The following CARHSP1 variants were observed in gnomAD, a reference collection of about 807,000 sequenced individuals.
The protein encoded by CARHSP1 is calcium regulated heat stable protein 1.
In CARHSP1, 14 loss-of-function variants were observed where a neutral mutation model predicts 12.5. The ratio of observed to expected loss-of-function variants is 1.12; its 90% CI spans 0.74 to 1.75. The LOEUF is 1.75. Ranked by LOEUF, CARHSP1 falls within the 40% of genes most tolerant of loss-of-function variation. The pLI is 0.00. For missense variants in CARHSP1, 343 were observed against 201.6 expected (o/e 1.70, Z -4.25); for synonymous variants, 161 against 82.0 (o/e 1.96, Z -5.20).
At chr16:8,858,704 C>T in intron 2 of CARHSP1, 1 of 539,820 alleles carries the variant, frequency 1.9e-6, no homozygotes. Context: ...GTTTTCCCTC[C>T]TGGAAAGAGG....
chr16:8,858,846 G>A (rs1383302821), intron 2 of CARHSP1: 2 of 409,902 alleles, frequency 4.9e-6, no homozygotes, highest in South Asian at 9.5e-5. Flanking sequence ...TGCAGCCCTG[G>A]TGCTGTGCCC....
intron 2 of CARHSP1, 121 bp from the exon 3 acceptor site, chr16:8,858,593 A>G: frequency 8.0e-7 from 1 of 1,247,084 alleles, no homozygotes; most frequent in East Asian, 2.5e-5. Flanking sequence ...ATGTACAGTC[A>G]CACAGGCTGA....
intron 1 of CARHSP1, among the ~76,000 whole-genome samples, chr16:8,859,601 G>T (rs2061279042): frequency 6.6e-6 from 1 of 152,032 alleles, no homozygotes. Flanking sequence ...GGTCCCCTCT[G>T]TGTCCCCAGC....
chr16:8,860,118 C>T (rs1371249936), intron 1 of CARHSP1: 1 of 985,302 alleles, frequency 1.0e-6, no homozygotes, highest in East Asian at 1.1e-4. Context: ...CACGCAGTGT[C>T]CGCCTCCAGG....
At chr16:8,865,191 C>A (rs945457679) in intron 1 of CARHSP1, among the ~76,000 whole-genome samples, 17 of 152,288 alleles carry the variant, frequency 1.1e-4, no homozygotes, top group South Asian at 2.1e-4. Flanking sequence ...TCACTGCAGA[C>A]CCCCGCCCCC....
chr16:8,858,878 C>A, intron 2 of CARHSP1: 2 of 413,830 alleles, frequency 4.8e-6, no homozygotes, highest in East Asian at 7.8e-5. Context: ...GCAGAATTCA[C>A]AGTCTCACAG....
chr16:8,858,592 C>T (rs1596531929), intron 2 of CARHSP1, 120 bp from the exon 3 acceptor site: 1 of 1,261,404 alleles, frequency 7.9e-7, no homozygotes, highest in East Asian at 2.4e-5. Context: ...CATGTACAGT[C>T]ACACAGGCTG....
At chr16:8,856,954 CAGG>C (rs2061135375) in intron 3 of CARHSP1, among the ~76,000 whole-genome samples, 1 of 152,148 alleles carries the variant, frequency 6.6e-6, no homozygotes, top group Non-Finnish European at 1.5e-5. Context: ...AGTAAGCATG[CAGG>C]AGGAGAAAGA....
rs902247402 is a variant in CARHSP1, at chr16:8,854,258, T to A, written c.*906A>T. 6.6e-6 allele frequency: 1 copy of A among 152,216 alleles called. No homozygotes were observed. Among genetic ancestry groups the A allele is most frequent in the Admixed American group, 6.5e-5 (1 of 15,272 alleles). 9.4% of individuals were successfully genotyped at this position (152,216 alleles called of 1,614,324 possible). On this transcript the variant is annotated 3_prime_UTR_variant, in exon 4 of 4. Coordinates refer to ENST00000311052, the MANE Select transcript of CARHSP1 (RefSeq NM_014316.4). The stretch of plus-strand genomic sequence containing the variant: ...GTTTCTCCTTCAACTTTCTTGACTT[T>A]GCCAGGCTGTCAGGATGCAAGCTAC...
chr16:8,855,144 A>G lies in CARHSP1; in HGVS notation c.*20T>C. On this transcript the variant is annotated 3_prime_UTR_variant, in exon 4 of 4. Transcript: ENST00000311052. ...CAAAGTCTCCCACAAGCACAGGACA[A>G]GGGGTGCTTCCACCATCTCCTAGGA... is the stretch of plus-strand genomic sequence containing the variant. 1.3e-6 allele frequency: 2 copies of G among 1,560,304 alleles called. No individual in the cohort carries two copies. The highest frequency in any genetic ancestry group is 1.7e-6 in the Non-Finnish European group (2 of 1,148,166).
At chr16:8,859,525 T>G (rs2061275513) in intron 1 of CARHSP1, among the ~76,000 whole-genome samples, 190 bp from the exon 2 acceptor site, 2 of 151,774 alleles carry the variant, frequency 1.3e-5, no homozygotes, top group African/African-American at 4.8e-5. Context: ...GAAGCAACCG[T>G]GGGGCCCCCT....
At chr16:8,864,476 C>G (rs1229689934) in intron 1 of CARHSP1, among the ~76,000 whole-genome samples, 2 of 152,222 alleles carry the variant, frequency 1.3e-5, no homozygotes, top group East Asian at 1.9e-4. Context: ...TTCACACAGC[C>G]CAGCTCATTC....
intron 3 of CARHSP1, among the ~76,000 whole-genome samples, chr16:8,855,936 C>T (rs1596522816): frequency 6.6e-6 from 1 of 152,198 alleles, no homozygotes; most frequent in East Asian, 1.9e-4. Context: ...TCTCCTGCCT[C>T]AGCCAAGTAT....
At chr16:8,858,206 A>C in intron 3 of CARHSP1, 144 bp downstream of exon 3, 1 of 959,734 alleles carries the variant, frequency 1.0e-6, no homozygotes, top group Non-Finnish European at 1.5e-6. Flanking sequence ...GCACAGCTGG[A>C]GCACCAGCCA....
rs191383487 is a variant in CARHSP1, at chr16:8,856,330, G to C, written c.282-1004C>G. ...GGCCAGCCAGCTCCCCTAGTAACTG[G>C]TTTGTTTTGATTGGAGAATCGTATG... On this transcript the variant is annotated intron_variant, in intron 3 of 3. Coordinates refer to ENST00000311052, the MANE Select transcript of CARHSP1 (RefSeq NM_014316.4). Among the ~76,000 whole-genome samples the C allele has an allele frequency of 2.6e-5, 4 of 152,256 alleles. No individual in the cohort carries two copies. In the East Asian group the frequency reaches 7.7e-4, roughly 29 times the overall value.
intron 1 of CARHSP1, among the ~76,000 whole-genome samples, chr16:8,864,068 C>T (rs1596327219): frequency 1.3e-5 from 2 of 152,218 alleles, no homozygotes; most frequent in Admixed American, 1.3e-4. Flanking sequence ...CTGCAACAAA[C>T]TTCGACCAAA....
rs1399744982 is a variant in CARHSP1 at position 8,859,192 on chromosome 16, C to T, written c.137G>A (p.Arg46His). The T allele has an allele frequency of 2.5e-6, 4 of 1,601,568 alleles. No individual in the cohort carries two copies. Among genetic ancestry groups the T allele is most frequent in the East Asian group, 2.2e-5 (1 of 44,556 alleles). ...GNVVPSPLPT[R>H]RTRTFSATVR... ...TCACGCCGAGAAGGTCCTCGTCCGG[C>T]GAGTGGGCAGTGGGCTTGGGACCAC... is the stretch of plus-strand genomic sequence containing the variant. The change falls in exon 2 of 4, where the codon CGC (arginine) becomes CAC (histidine). Residue 46 changes from arginine to histidine, a missense_variant. Arg to His is a conservative substitution (Grantham distance 29). Transcript: ENST00000311052.
At chr16:8,858,812 C>A in intron 2 of CARHSP1, 1 of 412,348 alleles carries the variant, frequency 2.4e-6, no homozygotes, top group Non-Finnish European at 4.3e-6. Context: ...AGACCTGCAT[C>A]TGCCAGGCAT....
intron 1 of CARHSP1, among the ~76,000 whole-genome samples, chr16:8,865,402 G>A (rs1167797482): frequency 6.6e-6 from 1 of 152,182 alleles, no homozygotes; most frequent in Non-Finnish European, 1.5e-5. Flanking sequence ...GAGCCACCGT[G>A]CCCAGCCAGA....
Sources: gnomAD v4.1 joint callset for allele counts (sites outside exome capture counted in the v4.1 genomes callset) on GRCh38, gnomAD v4.1.1 for gene constraint, MANE v1.5 for transcripts, NCBI Gene and HGNC (gene_info 2026-07-23, HGNC 2026-07-21) for gene names.